ESR1: variants seen among roughly 807,000 people sequenced by gnomAD.
ESR1 encodes the protein estrogen receptor 1, also known as estrogen receptor.
A neutral mutation model predicts 52.7 loss-of-function variants in ESR1; 12 were observed. The ratio of observed to expected loss-of-function variants is 0.23; its 90% CI spans 0.15 to 0.37. The LOEUF (loss-of-function observed/expected upper bound fraction) is 0.37, where lower values mean the gene tolerates loss of function less well. ESR1 is among the 10% of genes least tolerant of loss of function. The pLI, the probability that ESR1 is intolerant of heterozygous loss-of-function variation, is 1.00. For missense variants in ESR1, 584 were observed against 779.7 expected (o/e 0.75, Z 2.99); for synonymous variants, 305 against 316.8 (o/e 0.96, Z 0.39).
At chr6:151,702,882 G>A (rs1779900508) in intron 2 of ESR1, among the ~76,000 whole-genome samples, 1 of 152,158 alleles carries the variant, frequency 6.6e-6, no homozygotes, top group African/African-American at 2.4e-5. Flanking sequence ...TATCTATGCA[G>A]CATTTTGCAA....
At chr6:151,690,960 C>T (rs1446913309) in intron 1 of ESR1, among the ~76,000 whole-genome samples, 2 of 152,152 alleles carry the variant, frequency 1.3e-5, no homozygotes, top group Non-Finnish European at 2.9e-5. Flanking sequence ...CCTGTCTGTT[C>T]CAGATAACAT....
At chr6:151,826,849 T>G (rs1456518179) in intron 1 of ESR1, among the ~76,000 whole-genome samples, 1 of 152,198 alleles carries the variant, frequency 6.6e-6, no homozygotes, top group Non-Finnish European at 1.5e-5. Flanking sequence ...ATTGACAAAT[T>G]GGGAAAGATT....
At chr6:151,874,510 AC>A (rs1468476964) in intron 2 of ESR1, among the ~76,000 whole-genome samples, 1 of 152,216 alleles carries the variant, frequency 6.6e-6, no homozygotes, top group Non-Finnish European at 1.5e-5. Context: ...AAATAACTAC[AC>A]CACATACTTA....
intron 2 of ESR1, among the ~76,000 whole-genome samples, chr6:151,747,485 A>G (rs1287035745): frequency 3.3e-5 from 5 of 152,270 alleles, no homozygotes; most frequent in South Asian, 2.1e-4. Context: ...GCTCTTTGCA[A>G]CCATTACCTC....
At chr6:151,916,298 C>G (rs1356009533) in intron 3 of ESR1, among the ~76,000 whole-genome samples, 1 of 152,148 alleles carries the variant, frequency 6.6e-6, no homozygotes, top group Non-Finnish European at 1.5e-5. Flanking sequence ...GGTAATACTA[C>G]TGTCCTTGGT....
intron 6 of ESR1, among the ~76,000 whole-genome samples, chr6:152,072,396 T>C (rs1246930455): frequency 2.6e-5 from 4 of 152,222 alleles, no homozygotes; most frequent in African/African-American, 9.6e-5. Context: ...GGTTGATTTG[T>C]TGTGAGTGTA....
intron 2 of ESR1, among the ~76,000 whole-genome samples, chr6:151,875,866 C>T (rs760873713): frequency 6.6e-6 from 1 of 152,088 alleles, no homozygotes; most frequent in Non-Finnish European, 1.5e-5. Flanking sequence ...ACTGTGAAGG[C>T]ATTGCATTTA....
chr6:152,077,695 T>C (rs2048855069), intron 6 of ESR1, among the ~76,000 whole-genome samples: 1 of 152,190 alleles, frequency 6.6e-6, no homozygotes, highest in African/African-American at 2.4e-5. Flanking sequence ...AGACATTCAG[T>C]CAAAGGAGAT....
intron 2 of ESR1, among the ~76,000 whole-genome samples, chr6:151,855,528 A>G (rs1469457051): frequency 2.2e-4 from 33 of 152,204 alleles, no homozygotes; most frequent in Non-Finnish European, 4.4e-5. Flanking sequence ...TGTTGAGCTC[A>G]GAGACTTAAA....
chr6:151,862,697 C>T (rs934560407), intron 2 of ESR1, among the ~76,000 whole-genome samples: 1 of 152,140 alleles, frequency 6.6e-6, no homozygotes, highest in African/African-American at 2.4e-5. Flanking sequence ...GCTGCTTGTT[C>T]TTTGCTGGGG....
intron 2 of ESR1, among the ~76,000 whole-genome samples, chr6:151,730,969 T>C (rs1782194584): frequency 6.6e-6 from 1 of 152,220 alleles, no homozygotes; most frequent in East Asian, 1.9e-4. Context: ...TCTTGCCTCT[T>C]TGGAAAGGAG....
intron 1 of ESR1, among the ~76,000 whole-genome samples, chr6:151,658,341 A>G (rs1446118054): frequency 3.3e-5 from 5 of 152,210 alleles, no homozygotes; most frequent in African/African-American, 9.7e-5. Context: ...GAAAGTACTT[A>G]TTGATTCTGA....
chr6:152,035,055 C>A (rs1218478127), intron 5 of ESR1, among the ~76,000 whole-genome samples: 1 of 152,110 alleles, frequency 6.6e-6, no homozygotes, highest in Non-Finnish European at 1.5e-5. Flanking sequence ...AGATTACATG[C>A]CCTTCTTTTA....
At chr6:152,121,265 G>T (rs1215692202) in intron 6 of ESR1, among the ~76,000 whole-genome samples, 2 of 152,196 alleles carry the variant, frequency 1.3e-5, no homozygotes, top group Admixed American at 1.3e-4. Flanking sequence ...ATTTTATCCG[G>T]TAGACAATGA....
chr6:151,767,140 A>G (rs1474632161), intron 2 of ESR1, among the ~76,000 whole-genome samples: 1 of 152,150 alleles, frequency 6.6e-6, no homozygotes, highest in Non-Finnish European at 1.5e-5. Flanking sequence ...AAATGTAGCA[A>G]TTGCCCCAAA....
In ESR1 at chr6:152,098,387, T is replaced by G. The variant is rs1322766052; in HGVS notation, c.1554-345T>G. On this transcript the variant is annotated intron_variant, in intron 7 of 7. Transcript: ENST00000206249. This position sits in a 1 kb window ranked among gnomAD's most constrained non-coding sequence, Gnocchi z 5.1. ...CTTTGGCGATCCTATTTGAATGCATTTAGGTCCTATTGGAGGGGAATAGGA... is the reference window on the plus strand; with the variant it reads ...CTTTGGCGATCCTATTTGAATGCATGTAGGTCCTATTGGAGGGGAATAGGA... Among the ~76,000 whole-genome samples the G allele has an allele frequency of 6.6e-6, 1 of 152,040 alleles. No homozygotes were observed. Among genetic ancestry groups the G allele is most frequent in the Non-Finnish European group, 1.5e-5 (1 of 68,018 alleles).
chr6:151,736,333 A>G (rs1349258333), intron 2 of ESR1, among the ~76,000 whole-genome samples: 1 of 151,580 alleles, frequency 6.6e-6, no homozygotes, highest in East Asian at 1.9e-4. Flanking sequence ...CCTAATTTTA[A>G]AAGTAATAAA....
At chr6:152,097,193 A>G (rs1351541069) in intron 7 of ESR1, among the ~76,000 whole-genome samples, 1 of 151,688 alleles carries the variant, frequency 6.6e-6, no homozygotes, top group Non-Finnish European at 1.5e-5. Context: ...CACACACACA[A>G]TTGTAATAAT....
At chr6:152,057,328 T>TA (rs1353344245) in intron 5 of ESR1, among the ~76,000 whole-genome samples, 7 of 152,186 alleles carry the variant, frequency 4.6e-5, no homozygotes, top group Non-Finnish European at 1.0e-4. Context: ...AACATTTGGA[T>TA]AATTTAGCAA....
Sources: gnomAD v4.1 joint callset for allele counts (sites outside exome capture counted in the v4.1 genomes callset) on GRCh38, gnomAD v4.1.1 for gene constraint, Gnocchi (gnomAD v3.1) non-coding constraint, MANE v1.5 for transcripts, NCBI Gene and HGNC (gene_info 2026-07-23, HGNC 2026-07-21) for gene names.